The following SLC7A11 variants were observed in gnomAD, a reference collection of about 807,000 sequenced individuals.
SLC7A11 encodes solute carrier family 7 member 11, also known as cystine/glutamate transporter.
In SLC7A11, 35 loss-of-function variants were observed where a neutral mutation model predicts 54.5. The ratio of observed to expected loss-of-function variants is 0.64; its 90% CI spans 0.49 to 0.85. The LOEUF is 0.85. SLC7A11 is among the 40% of genes least tolerant of loss of function. SLC7A11 has a pLI of 0.00. For missense variants in SLC7A11, 583 were observed against 618.1 expected (o/e 0.94, Z 0.60); for synonymous variants, 230 against 225.2 (o/e 1.02, Z -0.19).
intron 2 of SLC7A11, among the ~76,000 whole-genome samples, chr4:138,234,089 A>G (rs977496223): frequency 7.9e-5 from 12 of 152,134 alleles, no homozygotes; most frequent in Non-Finnish European, 1.3e-4. Flanking sequence ...ATTGATAATG[A>G]TTTCCTCCCA....
chr4:138,219,400 A>G, intron 4 of SLC7A11, 35 bp from the exon 5 acceptor site: 1 of 1,275,394 alleles, frequency 7.8e-7, no homozygotes, highest in Non-Finnish European at 1.1e-6. Context: ...AGGATTTTTC[A>G]AAGAATTGGT....
At chr4:138,192,972 G>T (rs1412015489) in intron 6 of SLC7A11, among the ~76,000 whole-genome samples, 2 of 152,094 alleles carry the variant, frequency 1.3e-5, no homozygotes, top group Non-Finnish European at 2.9e-5. Flanking sequence ...ACATAAAATA[G>T]ATATATATGT....
intron 4 of SLC7A11, among the ~76,000 whole-genome samples, chr4:138,221,125 T>C (rs1737798961): frequency 6.6e-6 from 1 of 152,114 alleles, no homozygotes; most frequent in Admixed American, 6.6e-5. Flanking sequence ...TTTCTTAGAG[T>C]GCAGCACCAA....
At chr4:138,210,580 T>C (rs1408525888) in intron 6 of SLC7A11, among the ~76,000 whole-genome samples, 2 of 151,868 alleles carry the variant, frequency 1.3e-5, no homozygotes, top group African/African-American at 2.4e-5. Flanking sequence ...AAAAAGTGGA[T>C]GAAAGACATG....
intron 6 of SLC7A11, 22 bp downstream of exon 6, chr4:138,214,563 C>G (rs1030948468): frequency 1.4e-6 from 2 of 1,404,368 alleles, no homozygotes. Context: ...ATAAAAATTT[C>G]AGGGTACATC....
chr4:138,221,599 T>C (rs931275460), intron 4 of SLC7A11, among the ~76,000 whole-genome samples: 4 of 152,192 alleles, frequency 2.6e-5, no homozygotes, highest in Non-Finnish European at 5.9e-5. Flanking sequence ...ACATTAAGCA[T>C]TGATATCATG....
intron 6 of SLC7A11, among the ~76,000 whole-genome samples, chr4:138,187,000 T>TA (rs1288064535): frequency 6.6e-6 from 1 of 152,154 alleles, no homozygotes; most frequent in East Asian, 1.9e-4. Flanking sequence ...TTTCCATTGA[T>TA]AAAAAATGAA....
chr4:138,185,083 C>A, intron 7 of SLC7A11, 38 bp downstream of exon 7: 1 of 1,610,360 alleles, frequency 6.2e-7, no homozygotes, highest in South Asian at 1.1e-5. Flanking sequence ...AGCTCATTAA[C>A]CTAAATTCCA....
chr4:138,208,550 G>A (rs568351447), intron 6 of SLC7A11, among the ~76,000 whole-genome samples: 1 of 152,096 alleles, frequency 6.6e-6, no homozygotes, highest in South Asian at 2.1e-4. Flanking sequence ...ATGTCATAAG[G>A]CAAAATTCAT....
intron 6 of SLC7A11, among the ~76,000 whole-genome samples, chr4:138,191,766 A>C (rs1457227331): frequency 1.3e-5 from 2 of 152,144 alleles, no homozygotes; most frequent in African/African-American, 4.8e-5. Context: ...TTTCATACAC[A>C]CAAAAAATTT....
At chr4:138,190,520 G>C (rs559255256) in intron 6 of SLC7A11, among the ~76,000 whole-genome samples, 1 of 151,982 alleles carries the variant, frequency 6.6e-6, no homozygotes, top group Non-Finnish European at 1.5e-5. Flanking sequence ...CAGAAATGAC[G>C]CAAACATCTC....
intron 3 of SLC7A11, among the ~76,000 whole-genome samples, chr4:138,230,053 A>G (rs1738036638): frequency 6.6e-6 from 1 of 152,198 alleles, no homozygotes; most frequent in Admixed American, 6.6e-5. Context: ...AGAACTTTCT[A>G]TAGGCAAGGC....
Position 138,171,697 on chromosome 4 carries a change from AC to A in SLC7A11, c.*258del, listed in dbSNP as rs1736428607. 2.0e-5 allele frequency: 8 copies of A among 404,754 alleles called. No individual in the cohort carries two copies. In the East Asian group the frequency reaches 4.3e-4, roughly 22 times the overall value. The allele number at this position is 404,754 out of a possible 1,614,324, so 25.1% of individuals were successfully genotyped here. On this transcript the variant is annotated 3_prime_UTR_variant, in exon 12 of 12. Transcript: ENST00000280612. ...AGTAATTGTCTAGTCTTTTCTCCTA[AC>A]CCCAATAGGTAGGTATCAGAGACTC...
chr4:138,200,693 C>A (rs1340950404), intron 6 of SLC7A11, among the ~76,000 whole-genome samples: 1 of 152,106 alleles, frequency 6.6e-6, no homozygotes, highest in Non-Finnish European at 1.5e-5. Flanking sequence ...TCGTTAGCTT[C>A]ACAATAAAAG....
chr4:138,183,110 G>A (rs1736786738), intron 8 of SLC7A11, 92 bp downstream of exon 8: 1 of 846,158 alleles, frequency 1.2e-6, no homozygotes, highest in Non-Finnish European at 1.9e-6. Flanking sequence ...AACAGGTTTG[G>A]AGGCACTATT....
chr4:138,226,268 T>C (rs1206944262), intron 3 of SLC7A11, among the ~76,000 whole-genome samples: 1 of 152,158 alleles, frequency 6.6e-6, no homozygotes, highest in Admixed American at 6.5e-5. Flanking sequence ...AAAATAAATC[T>C]ATCATATGAT....
chr4:138,221,237 C>T (rs1177585387), intron 4 of SLC7A11, among the ~76,000 whole-genome samples: 1 of 152,062 alleles, frequency 6.6e-6, no homozygotes, highest in Non-Finnish European at 1.5e-5. Flanking sequence ...CATTTTGTTT[C>T]TAGAATTCAG....
intron 7 of SLC7A11, among the ~76,000 whole-genome samples, chr4:138,184,730 T>C (rs1397222061): frequency 6.6e-6 from 1 of 152,108 alleles, no homozygotes; most frequent in Non-Finnish European, 1.5e-5. Flanking sequence ...GGGAAAGGAT[T>C]CTGAGTTCGC....
rs1382315512 is a variant in SLC7A11, at chr4:138,241,883, A to G, written c.187T>C (p.Phe63Leu). The G allele has an allele frequency of 1.2e-6, 2 of 1,614,084 alleles. No homozygotes were observed. The highest frequency in any genetic ancestry group is 2.2e-5 in the South Asian group (2 of 91,078). Reference protein sequence around the residue: ...IIGTIIGAGIFISPKGVLQNT... With the variant: ...IIGTIIGAGILISPKGVLQNT... Reference sequence around the variant, plus strand: ...TGGAGCACGCCCTTAGGAGAGATGAAGATTCCTGCTCCAATGATGGTGCCA... The same window carrying G: ...TGGAGCACGCCCTTAGGAGAGATGAGGATTCCTGCTCCAATGATGGTGCCA... The change falls in exon 1 of 12, where the codon TTC becomes CTC. Residue 63 changes from phenylalanine to leucine, a missense_variant. Coordinates refer to ENST00000280612, the MANE Select transcript of SLC7A11 (RefSeq NM_014331.4).
Sources: allele counts gnomAD v4.1 joint callset (sites outside exome capture counted in the v4.1 genomes callset), GRCh38; gene constraint gnomAD v4.1.1; transcripts MANE v1.5; gene names NCBI Gene and HGNC (gene_info 2026-07-23, HGNC 2026-07-21).